TRAM1: variants seen among roughly 807,000 people sequenced by gnomAD.
TRAM1 encodes translocation associated membrane protein 1, also known as translocating chain-associated membrane protein 1.
A neutral mutation model predicts 48.7 loss-of-function variants in TRAM1; 17 were observed. That is an observed-to-expected ratio of 0.35 (90% CI 0.24 to 0.52). The LOEUF (loss-of-function observed/expected upper bound fraction) is 0.52. Among genes scored for constraint, TRAM1 ranks in the 20% least tolerant of loss-of-function variants. The pLI is 0.94. For synonymous variants in TRAM1, 182 were observed against 154.0 expected (o/e 1.18, Z -1.34); for missense variants, 351 against 441.5 (o/e 0.79, Z 1.84).
chr8:70,582,478 T>C lies in TRAM1; in HGVS notation c.1051+686A>G, dbSNP rs76724878. 4.2e-3 allele frequency among the ~76,000 whole-genome samples: 625 copies of C among 148,982 alleles called. 1 individual carries two copies. Among genetic ancestry groups the C allele is most frequent in the South Asian group, 0.029 (135 of 4,732 alleles). On this transcript the variant is annotated intron_variant, in intron 10 of 10. Transcript: ENST00000262213. The stretch of plus-strand genomic sequence containing the variant: ...CTAGATCAAGTTGTACTAAAATGTA[T>C]TAAGAAAATGCAAAGGGCCAAGACT...
At chr8:70,585,913 C>A (rs1817206174) in intron 8 of TRAM1, among the ~76,000 whole-genome samples, 1 of 148,994 alleles carries the variant, frequency 6.7e-6, no homozygotes, top group Non-Finnish European at 1.5e-5. Flanking sequence ...CCCAGCCATC[C>A]CATTACTGGG....
intron 6 of TRAM1, among the ~76,000 whole-genome samples, chr8:70,591,707 C>T (rs1444762375): frequency 6.6e-6 from 1 of 152,076 alleles, no homozygotes; most frequent in African/African-American, 2.4e-5. Flanking sequence ...AAAGATCTCC[C>T]CCCAAACCCC....
chr8:70,608,375 A>AT lies in TRAM1; in HGVS notation c.-177_-176insA, dbSNP rs1817804856. 1.6e-6 allele frequency: 1 copy of AT among 642,318 alleles called. No homozygotes were observed. Among genetic ancestry groups the AT allele is most frequent in the East Asian group, 3.7e-5 (1 of 27,206 alleles). The allele number at this position is 642,318 out of a possible 1,614,324, so 39.8% of individuals were successfully genotyped here. On this transcript the variant is annotated 5_prime_UTR_variant, in exon 1 of 11. Transcript: ENST00000262213. The stretch of plus-strand genomic sequence containing the variant: ...CGCAGCCGCCGGGCCGCCCGGGGGA[A>AT]AAAAAAAAACACAACAGCTAGCCCG...
intron 1 of TRAM1, among the ~76,000 whole-genome samples, chr8:70,606,715 A>C (rs907769665): frequency 2.6e-5 from 4 of 152,122 alleles, no homozygotes; most frequent in Admixed American, 1.3e-4. Context: ...CCTCCTTAGC[A>C]GTGGTTTCAA....
chr8:70,586,972 C>A lies in TRAM1; in HGVS notation c.669G>T (p.Leu223=). The change falls in exon 8 of 11, where the codon CTG becomes CTT. Residue 223 remains leucine, a synonymous_variant. Transcript: ENST00000262213. The stretch of plus-strand genomic sequence containing the variant: ...GAAATTCAACAAAATAATGTAGCAC[C>A]AGAAGAACAAGTCCTAGATGATTCA... ...LNLNHLGLVL[L]VLHYFVEFLF... The A allele has an allele frequency of 6.2e-7, 1 of 1,613,708 alleles. No individual in the cohort carries two copies.
intron 10 of TRAM1, among the ~76,000 whole-genome samples, chr8:70,577,446 C>A (rs563146120): frequency 6.6e-6 from 1 of 152,180 alleles, no homozygotes; most frequent in Non-Finnish European, 1.5e-5. Flanking sequence ...CTTCCTCCCC[C>A]CTGAAGCTCA....
At position 70,603,303 on chromosome 8, in the gene TRAM1, T is replaced by TATACAC. The variant is rs1041808375; in HGVS notation, c.124-3222_124-3221insGTGTAT. 8.6e-3 allele frequency among the ~76,000 whole-genome samples: 1,294 copies of TATACAC among 150,050 alleles called. 14 individuals carry two copies. The highest frequency in any genetic ancestry group is 0.028 in the African/African-American group (1,155 of 40,764). On this transcript the variant is annotated intron_variant, in intron 1 of 10. Transcript: ENST00000262213. ...ATATACACACTATATATATGTTTTA[T>TATACAC]ACACACACACACACACACACACACA...
rs571568465 is a variant in TRAM1 at position 70,576,637 on chromosome 8, T to C, written c.1052-1632A>G. ...CCGGCTGGAGTCCAGTGACATGATC[T>C]CCACTCACTGCAACCTCCACTTCTC... is the stretch of plus-strand genomic sequence containing the variant. On this transcript the variant is annotated intron_variant, in intron 10 of 10. Coordinates refer to ENST00000262213, the MANE Select transcript of TRAM1 (RefSeq NM_014294.6). Among the ~76,000 whole-genome samples, 4 of 152,296 alleles carry C rather than the reference T, an allele frequency of 2.6e-5. No homozygotes were observed. In the South Asian group the frequency reaches 8.3e-4, roughly 32 times the overall value.
At chr8:70,584,642 G>A (rs1817165208) in intron 8 of TRAM1, among the ~76,000 whole-genome samples, 1 of 151,834 alleles carries the variant, frequency 6.6e-6, no homozygotes, top group African/African-American at 2.4e-5. Flanking sequence ...ACCAATAACA[G>A]ACAGAGAGCC....
chr8:70,591,054 T>C (rs1161271762), intron 6 of TRAM1, among the ~76,000 whole-genome samples: 1 of 151,240 alleles, frequency 6.6e-6, no homozygotes, highest in Non-Finnish European at 1.5e-5. Context: ...GTGGTAGGAA[T>C]TGTGGCTAAC....
intron 1 of TRAM1, among the ~76,000 whole-genome samples, chr8:70,603,724 G>GT (rs1403619008): frequency 6.6e-6 from 1 of 152,076 alleles, no homozygotes; most frequent in East Asian, 1.9e-4. Flanking sequence ...CTCAAAAAGA[G>GT]TCCTTTACAA....
rs763459911 is a variant in TRAM1 at position 70,583,305 on chromosome 8, T to C, written c.910A>G (p.Ile304Val). ...ATCATAAATGCCTGAGTAACGCAAA[T>C]GGATGCCAGAACAGCGATTCTAAGA... ...LAVRIAVLASICVTQAFMMWK... is the reference protein window; with the variant it reads ...LAVRIAVLASVCVTQAFMMWK... The change falls in exon 10 of 11, where the codon ATT becomes GTT. Residue 304 changes from isoleucine (I) to valine (V), a missense_variant. Ile to Val is a conservative substitution (Grantham distance 29, BLOSUM62 3). Coordinates refer to ENST00000262213, the MANE Select transcript of TRAM1 (RefSeq NM_014294.6). The C allele has an allele frequency of 1.9e-6, 3 of 1,613,600 alleles. No individual in the cohort carries two copies. Among genetic ancestry groups the C allele is most frequent in the Non-Finnish European group, 2.5e-6 (3 of 1,179,840 alleles).
intron 6 of TRAM1, chr8:70,587,444 A>G (rs1817249179): frequency 5.3e-6 from 2 of 379,016 alleles, no homozygotes; most frequent in Non-Finnish European, 4.8e-6. Flanking sequence ...CTCATCCTCA[A>G]TTAGGTATAT....
intron 1 of TRAM1, 141 bp downstream of exon 1, chr8:70,607,936 G>T: frequency 1.9e-6 from 2 of 1,072,282 alleles, no homozygotes; most frequent in Non-Finnish European, 2.5e-6. Context: ...GGGAAGGCCT[G>T]CACCTCAGGG....
chr8:70,596,646 G>C (rs1370849767), intron 4 of TRAM1, among the ~76,000 whole-genome samples: 1 of 152,020 alleles, frequency 6.6e-6, no homozygotes, highest in African/African-American at 2.4e-5. Flanking sequence ...ACAGTGACCA[G>C]GAGAGAAGAA....
intron 5 of TRAM1, among the ~76,000 whole-genome samples, chr8:70,595,396 T>C (rs575255301): frequency 6.6e-6 from 1 of 152,180 alleles, no homozygotes; most frequent in South Asian, 2.1e-4. Flanking sequence ...CAGAGTATGA[T>C]TCAGTAGAGT....
At chr8:70,577,949 C>T (rs942227559) in intron 10 of TRAM1, among the ~76,000 whole-genome samples, 1 of 152,232 alleles carries the variant, frequency 6.6e-6, no homozygotes, top group Non-Finnish European at 1.5e-5. Context: ...GCTGCCTGCC[C>T]CGTGGCAGCA....
chr8:70,574,143 C>T lies in TRAM1; in HGVS notation c.*789G>A. The T allele has an allele frequency of 5.8e-6, 2 of 344,856 alleles. No individual in the cohort carries two copies. Among genetic ancestry groups the T allele is most frequent in the Non-Finnish European group, 1.1e-5 (2 of 182,598 alleles). 21.4% of individuals were successfully genotyped at this position (344,856 alleles called of 1,614,324 possible). On this transcript the variant is annotated 3_prime_UTR_variant, in exon 11 of 11. Transcript: ENST00000262213. The stretch of plus-strand genomic sequence containing the variant: ...GTGCATATTAAACTTATTATGAGCC[C>T]CATTAAGAATCATTATTAATAAACA...
intron 1 of TRAM1, chr8:70,607,841 C>T (rs548569062): frequency 5.4e-6 from 2 of 372,818 alleles, no homozygotes; most frequent in South Asian, 1.9e-4. Context: ...CGGTCCCCAC[C>T]CCCTGCGGGC....
Sources: allele counts gnomAD v4.1 joint callset (sites outside exome capture counted in the v4.1 genomes callset), GRCh38; gene constraint gnomAD v4.1.1; transcripts MANE v1.5; gene names NCBI Gene and HGNC (gene_info 2026-07-23, HGNC 2026-07-21).